Variants in RTL9 observed in about 807,000 individuals in gnomAD.
The protein encoded by RTL9 is retrotransposon Gag like 9, also known as retrotransposon Gag-like protein 9.
Under a neutral mutation model 44.7 loss-of-function variants are expected in RTL9, and 19 were observed. The ratio of observed to expected loss-of-function variants is 0.42; its 90% CI spans 0.30 to 0.62. RTL9 has a LOEUF of 0.62. Among genes scored for constraint, RTL9 ranks in the 20% least tolerant of loss-of-function variants. The pLI, the probability that RTL9 is intolerant of heterozygous loss-of-function variation, is 0.16. For synonymous variants in RTL9, 407 were observed against 398.9 expected, an observed-to-expected ratio of 1.02 and a Z score of -0.24; for missense variants, 1,105 against 1,080.6, an observed-to-expected ratio of 1.02 and a Z score of -0.32.
chrX:110,452,008 C>G, exon 1 of RTL9: 1 of 1,211,915 alleles, frequency 8.3e-7, no homozygotes, highest in South Asian at 1.8e-5. Context: ...AGAGTAATGT[C>G]CGCACAGTTA....
intron 1 of RTL9, among the ~76,000 whole-genome samples, chrX:110,429,474 G>GTT (rs768648303): frequency 1.5e-5 from 1 of 67,842 alleles, no homozygotes; most frequent in African/African-American, 1.0e-4. Context: ...TTTTTTTTTT[G>GTT]TTTTGTTTTT....
At chrX:110,439,847 C>A (rs952813185) in intron 1 of RTL9, 1 of 111,039 alleles carries the variant, frequency 9.0e-6, no homozygotes. Flanking sequence ...TCCTCTCCCC[C>A]TCCCCAAAAG....
At chrX:110,413,620 C>T (rs895532723) in intron 1 of RTL9, among the ~76,000 whole-genome samples, 1 of 105,666 alleles carries the variant, frequency 9.5e-6, no homozygotes, top group Admixed American at 1.0e-4. Flanking sequence ...CATCCGTGAT[C>T]CATGTACAGG....
intron 1 of RTL9, among the ~76,000 whole-genome samples, chrX:110,402,787 G>A (rs1042521213): frequency 8.9e-6 from 1 of 112,253 alleles, no homozygotes. Context: ...GAGCTTAGGT[G>A]TAGGTGATGG....
chrX:110,392,390 C>G (rs754529116), intron 1 of RTL9, among the ~76,000 whole-genome samples: 22 of 108,763 alleles, frequency 2.0e-4, no homozygotes, highest in Non-Finnish European at 4.0e-4. Context: ...ATCCTCCCAC[C>G]TCAGCCTCCC....
At chrX:110,400,064 T>C (rs2068553681) in intron 1 of RTL9, among the ~76,000 whole-genome samples, 1 of 110,356 alleles carries the variant, frequency 9.1e-6, no homozygotes, top group Non-Finnish European at 1.9e-5. Flanking sequence ...CTCTGTGTGC[T>C]TAGAGGACTA....
upstream of RTL9, among the ~76,000 whole-genome samples, chrX:110,416,082 G>A (rs1408258240): frequency 1.8e-5 from 2 of 110,454 alleles, no homozygotes; most frequent in Non-Finnish European, 3.8e-5. Flanking sequence ...TCACTCTGCC[G>A]TGGCAAGGCA....
chrX:110,417,242 G>A (rs2068683867), upstream of RTL9, among the ~76,000 whole-genome samples: 1 of 112,096 alleles, frequency 8.9e-6, no homozygotes, highest in Admixed American at 9.4e-5. Flanking sequence ...CAGCTTGGAG[G>A]GAGGGGGAGT....
At chrX:110,413,478 C>A (rs2068655668) in intron 1 of RTL9, among the ~76,000 whole-genome samples, 1 of 110,313 alleles carries the variant, frequency 9.1e-6, no homozygotes, top group Non-Finnish European at 1.9e-5. Context: ...CTTCTCTCCT[C>A]GTTGACGCTT....
chrX:110,385,464 A>G (rs1602954833), intron 1 of RTL9, among the ~76,000 whole-genome samples: 1 of 111,362 alleles, frequency 9.0e-6, no homozygotes, highest in African/African-American at 3.3e-5. Context: ...GAAAATATTC[A>G]TTACCCCAAA....
intron 1 of RTL9, among the ~76,000 whole-genome samples, chrX:110,378,668 C>T (rs1217585120): frequency 1.8e-5 from 2 of 112,069 alleles, no homozygotes; most frequent in Non-Finnish European, 3.8e-5. Context: ...GTTTCTTTCA[C>T]CTGGAATTAA....
At chrX:110,429,502 A>G (rs946570909) in intron 1 of RTL9, among the ~76,000 whole-genome samples, 1 of 62,703 alleles carries the variant, frequency 1.6e-5, no homozygotes, top group Admixed American at 2.0e-4. Flanking sequence ...TTTTGTTTTT[A>G]CAGAGGCTTG....
intron 1 of RTL9, among the ~76,000 whole-genome samples, chrX:110,423,391 GGAGAGAAGAAGAAGGAGAAGGAGAAC>G (rs1483004696): frequency 9.1e-6 from 1 of 110,218 alleles, no homozygotes; most frequent in East Asian, 2.8e-4. Flanking sequence ...AGAAGGAGAA[GGAGAGAAGAAGAAGGAGAAGGAGAAC>G]GAGAAGATGT....
upstream of RTL9, among the ~76,000 whole-genome samples, chrX:110,450,252 C>T (rs1317332510): frequency 9.0e-6 from 1 of 111,519 alleles, no homozygotes; most frequent in Middle Eastern, 4.2e-3. Context: ...GCATTTCTCA[C>T]ATTTGGCCAG....
chrX:110,429,542 A>G (rs1293192353), intron 1 of RTL9, among the ~76,000 whole-genome samples: 1 of 104,167 alleles, frequency 9.6e-6, no homozygotes, highest in African/African-American at 3.7e-5. Flanking sequence ...GTACAGTGGC[A>G]TGCAATCTCG....
At chrX:110,405,626 G>A (rs1216479817) in intron 1 of RTL9, among the ~76,000 whole-genome samples, 1 of 111,675 alleles carries the variant, frequency 9.0e-6, no homozygotes, top group Non-Finnish European at 1.9e-5. Flanking sequence ...CTTTTTAAGG[G>A]AACATTAACT....
chrX:110,382,192 G>C (rs1347668854), intron 1 of RTL9, among the ~76,000 whole-genome samples: 1 of 111,342 alleles, frequency 9.0e-6, no homozygotes, highest in African/African-American at 3.3e-5. Context: ...AGAAGGCCAT[G>C]TGGAAAAAAA....
chrX:110,441,935 G>A (rs1240181461), intron 1 of RTL9, among the ~76,000 whole-genome samples: 4 of 111,755 alleles, frequency 3.6e-5, no homozygotes, highest in Non-Finnish European at 1.9e-5. Context: ...TCATAGATGA[G>A]AAAACTGAGA....
chrX:110,439,505 C>T (rs908658014), intron 1 of RTL9, among the ~76,000 whole-genome samples: 1 of 112,002 alleles, frequency 8.9e-6, no homozygotes, highest in Non-Finnish European at 1.9e-5. Context: ...ATGGAGAAGC[C>T]AGCAGGGGCT....
Sources: allele counts gnomAD v4.1 joint callset (sites outside exome capture counted in the v4.1 genomes callset), GRCh38; gene constraint gnomAD v4.1.1; transcripts MANE v1.5; gene names NCBI Gene and HGNC (gene_info 2026-07-23, HGNC 2026-07-21).